Variants in WDSUB1 observed in about 807,000 individuals in gnomAD.
WDSUB1 encodes WD repeat, sterile alpha motif and U-box domain containing 1, also known as WD repeat, SAM and U-box domain-containing protein 1.
A neutral mutation model predicts 53.9 loss-of-function variants in WDSUB1; 49 were observed. The observed-to-expected ratio is 0.91, with a 90% confidence interval of 0.72 to 1.15. The LOEUF (loss-of-function observed/expected upper bound fraction) is 1.15, where lower values mean the gene tolerates loss of function less well. Among genes scored for constraint, WDSUB1 ranks in the 50% most tolerant of loss-of-function variants. The probability of loss-of-function intolerance (pLI) is 0.00; values close to 1 mark genes in which losing one functional copy is unlikely to be tolerated. For missense variants in WDSUB1, 514 were observed against 562.0 expected (o/e 0.91, Z 0.86); for synonymous variants, 194 against 200.6 (o/e 0.97, Z 0.28).
At chr2:159,247,701 A>T (rs1159067954) in intron 10 of WDSUB1, among the ~76,000 whole-genome samples, 2 of 151,284 alleles carry the variant, frequency 1.3e-5, no homozygotes, top group Non-Finnish European at 2.9e-5. Context: ...AGATGTCAGC[A>T]TAATGCCATT....
chr2:159,265,324 C>G (rs2061321199), intron 5 of WDSUB1, among the ~76,000 whole-genome samples: 1 of 151,662 alleles, frequency 6.6e-6, no homozygotes, highest in Admixed American at 6.6e-5. Context: ...CACACTCACT[C>G]TCTCTCTTTT....
chr2:159,271,446 G>C (rs1186939295), intron 5 of WDSUB1, among the ~76,000 whole-genome samples: 1 of 152,170 alleles, frequency 6.6e-6, no homozygotes, highest in Non-Finnish European at 1.5e-5. Flanking sequence ...CAGGAAGCCT[G>C]ACAAAATAAT....
intron 10 of WDSUB1, among the ~76,000 whole-genome samples, chr2:159,244,279 C>T (rs940128694): frequency 6.6e-6 from 1 of 151,762 alleles, no homozygotes; most frequent in Non-Finnish European, 1.5e-5. Flanking sequence ...AAATTACTTA[C>T]ATGACACACT....
intron 5 of WDSUB1, among the ~76,000 whole-genome samples, chr2:159,266,272 ACC>A (rs1558862678): frequency 6.6e-6 from 1 of 150,944 alleles, no homozygotes; most frequent in Non-Finnish European, 1.5e-5. Context: ...CACCGCAAGC[ACC>A]GCCTCCCGGG....
chr2:159,241,391 G>C (rs1317355109), intron 10 of WDSUB1, among the ~76,000 whole-genome samples: 2 of 152,112 alleles, frequency 1.3e-5, no homozygotes, highest in African/African-American at 4.8e-5. Context: ...GCAAAACCCT[G>C]TCTCTACTAA....
intron 9 of WDSUB1, among the ~76,000 whole-genome samples, chr2:159,254,065 T>C (rs1283824751): frequency 2.6e-5 from 4 of 152,232 alleles, no homozygotes; most frequent in Non-Finnish European, 5.9e-5. Flanking sequence ...TTTGTCTCCA[T>C]TCTTAATGGT....
At position 159,236,127 on chromosome 2, in the gene WDSUB1, G is replaced by A; in HGVS notation, c.1337C>T (p.Pro446Leu). The change falls in exon 11 of 11, where the codon CCC becomes CTC. Residue 446 changes from proline to leucine, a missense_variant. Coordinates refer to ENST00000359774, the MANE Select transcript of WDSUB1 (RefSeq NM_001128212.3). Reference protein sequence around the residue: ...NWISKKKRTSPMTNLVLPSAV... With the variant: ...NWISKKKRTSLMTNLVLPSAV... ...TGAAGGAAGAACAAGATTTGTCATG[G>A]GACTTGTACGTTTCTTTTTGCTGAT... 1 of 1,613,758 alleles carries A rather than the reference G, an allele frequency of 6.2e-7. No homozygotes were observed. The highest frequency in any genetic ancestry group is 8.5e-7 in the Non-Finnish European group (1 of 1,179,860).
chr2:159,281,359 C>T (rs1299533749), intron 2 of WDSUB1, among the ~76,000 whole-genome samples: 1 of 152,086 alleles, frequency 6.6e-6, no homozygotes, highest in Non-Finnish European at 1.5e-5. Flanking sequence ...TGACCTCAGC[C>T]TCTGGAGTAG....
intron 9 of WDSUB1, among the ~76,000 whole-genome samples, chr2:159,254,156 AC>A (rs2061010905): frequency 6.6e-6 from 1 of 152,198 alleles, no homozygotes; most frequent in Admixed American, 6.5e-5. Flanking sequence ...CACTTCCAAA[AC>A]CCATTTCACT....
intron 1 of WDSUB1, among the ~76,000 whole-genome samples, chr2:159,285,194 C>T (rs1010565461): frequency 6.6e-6 from 1 of 152,044 alleles, no homozygotes; most frequent in Admixed American, 6.6e-5. Flanking sequence ...TTATTTTGTT[C>T]GAGCCCAACT....
At chr2:159,253,679 G>A (rs778154488) in intron 9 of WDSUB1, among the ~76,000 whole-genome samples, 3 of 152,084 alleles carry the variant, frequency 2.0e-5, no homozygotes, top group Non-Finnish European at 2.9e-5. Flanking sequence ...AAAGGCAAAC[G>A]CAGGTAAAAT....
chr2:159,252,901 AT>A (rs1422328233), intron 9 of WDSUB1, among the ~76,000 whole-genome samples: 1 of 152,378 alleles, frequency 6.6e-6, no homozygotes, highest in Middle Eastern at 3.4e-3. Flanking sequence ...CCAATTAGGC[AT>A]CTATGGTTGA....
chr2:159,255,408 A>G (rs539438440), intron 9 of WDSUB1, among the ~76,000 whole-genome samples: 1 of 152,274 alleles, frequency 6.6e-6, no homozygotes, highest in South Asian at 2.1e-4. Flanking sequence ...CGGAGCTTGC[A>G]GTGAACCGAG....
intron 9 of WDSUB1, among the ~76,000 whole-genome samples, chr2:159,254,489 A>T (rs1245535469): frequency 6.6e-6 from 1 of 152,274 alleles, no homozygotes; most frequent in East Asian, 1.9e-4. Context: ...TGAGCCTAGG[A>T]GGTTGAAGCT....
chr2:159,281,091 C>G (rs908442769), intron 2 of WDSUB1, among the ~76,000 whole-genome samples: 1 of 152,132 alleles, frequency 6.6e-6, no homozygotes, highest in Non-Finnish European at 1.5e-5. Context: ...CTTAAATGAG[C>G]AATAGTTGTT....
chr2:159,258,080 G>C (rs1374048062), intron 6 of WDSUB1, 95 bp from the exon 7 acceptor site: 3 of 1,050,576 alleles, frequency 2.9e-6, no homozygotes. Context: ...ATACTAAGTG[G>C]ATATATTAAT....
chr2:159,271,031 T>G (rs193044930), intron 5 of WDSUB1, among the ~76,000 whole-genome samples: 1 of 152,146 alleles, frequency 6.6e-6, no homozygotes, highest in Non-Finnish European at 1.5e-5. Flanking sequence ...AAGGCAACAC[T>G]ACACACTCAT....
chr2:159,277,742 T>C (rs995611613), intron 3 of WDSUB1, among the ~76,000 whole-genome samples: 2 of 53,698 alleles, frequency 3.7e-5, no homozygotes, highest in East Asian at 4.3e-4. Flanking sequence ...CTTTGTCTTC[T>C]AAATACAGTT....
chr2:159,279,461 T>C (rs2061606310), intron 3 of WDSUB1, among the ~76,000 whole-genome samples: 1 of 152,222 alleles, frequency 6.6e-6, no homozygotes, highest in Non-Finnish European at 1.5e-5. Flanking sequence ...TAAATTGCCA[T>C]ATCCAAGGAA....
Sources: allele counts gnomAD v4.1 joint callset (sites outside exome capture counted in the v4.1 genomes callset), GRCh38; gene constraint gnomAD v4.1.1; transcripts MANE v1.5; gene names NCBI Gene and HGNC (gene_info 2026-07-23, HGNC 2026-07-21).